Variants in DOK6 observed in about 807,000 individuals in gnomAD.
DOK6 encodes docking protein 6.
Under a neutral mutation model 44.0 loss-of-function variants are expected in DOK6, and 22 were observed. The ratio of observed to expected loss-of-function variants is 0.50; its 90% CI spans 0.36 to 0.71. The LOEUF is 0.71. Among genes scored for constraint, DOK6 ranks in the 30% least tolerant of loss-of-function variants. DOK6 has a pLI of 0.00. For synonymous variants in DOK6, 166 were observed against 145.5 expected, an observed-to-expected ratio of 1.14 and a Z score of -1.01; for missense variants, 340 against 416.4, an observed-to-expected ratio of 0.82 and a Z score of 1.60.
intron 1 of DOK6, among the ~76,000 whole-genome samples, chr18:69,413,203 A>G (rs1169535797): frequency 1.3e-5 from 2 of 152,130 alleles, no homozygotes. Flanking sequence ...ATAATTGATA[A>G]AACAGCATTA....
At chr18:69,599,347 T>C (rs764201924) in intron 2 of DOK6, 37 bp from the exon 3 acceptor site, 2 of 1,467,508 alleles carry the variant, frequency 1.4e-6, no homozygotes, top group Non-Finnish European at 1.9e-6. Flanking sequence ...ACAGCATACA[T>C]ACTGTACACT....
chr18:69,591,391 C>T (rs893874441), intron 2 of DOK6, among the ~76,000 whole-genome samples: 14 of 151,996 alleles, frequency 9.2e-5, no homozygotes, highest in African/African-American at 2.2e-4. Context: ...GACAGACAAC[C>T]GTGGTCATTC....
At chr18:69,535,237 G>T (rs993132328) in intron 1 of DOK6, among the ~76,000 whole-genome samples, 4 of 151,946 alleles carry the variant, frequency 2.6e-5, no homozygotes, top group Non-Finnish European at 4.4e-5. Flanking sequence ...CTTCATAATA[G>T]TCTTAATAGT....
intron 1 of DOK6, among the ~76,000 whole-genome samples, chr18:69,518,459 T>C (rs1329940039): frequency 1.3e-5 from 2 of 152,174 alleles, no homozygotes; most frequent in African/African-American, 2.4e-5. Flanking sequence ...TATAAGGAAA[T>C]ACCTTGGTTA....
chr18:69,413,033 A>C (rs1978312966), intron 1 of DOK6, among the ~76,000 whole-genome samples: 1 of 152,134 alleles, frequency 6.6e-6, no homozygotes, highest in Non-Finnish European at 1.5e-5. Flanking sequence ...GAATACACAC[A>C]TTAAGCCACT....
At chr18:69,469,255 G>A (rs1396004275) in intron 1 of DOK6, among the ~76,000 whole-genome samples, 10 of 152,032 alleles carry the variant, frequency 6.6e-5, no homozygotes, top group African/African-American at 2.4e-4. Context: ...ATAAAATAAG[G>A]AGATTTTACC....
chr18:69,611,487 A>G (rs960926187), intron 3 of DOK6, among the ~76,000 whole-genome samples: 1 of 140,098 alleles, frequency 7.1e-6, no homozygotes, highest in Non-Finnish European at 1.5e-5. Flanking sequence ...AAAAGAAACA[A>G]GTACACGTAC....
At chr18:69,696,307 A>G (rs1331559898) in intron 4 of DOK6, among the ~76,000 whole-genome samples, 1 of 152,176 alleles carries the variant, frequency 6.6e-6, no homozygotes, top group Admixed American at 6.5e-5. Context: ...TGTACCATCC[A>G]CTGGAAGGAC....
At chr18:69,672,764 T>TA (rs1985835699) in intron 3 of DOK6, among the ~76,000 whole-genome samples, 1 of 152,030 alleles carries the variant, frequency 6.6e-6, no homozygotes, top group South Asian at 2.1e-4. Flanking sequence ...CAAGGCCAGT[T>TA]AAGTAGAAAG....
At chr18:69,551,903 A>G (rs879893615) in intron 1 of DOK6, among the ~76,000 whole-genome samples, 46 of 152,348 alleles carry the variant, frequency 3.0e-4, no homozygotes, top group South Asian at 8.3e-4. Flanking sequence ...TCACTTCTAA[A>G]ATGTATTGAA....
At chr18:69,521,068 A>G (rs1478920825) in intron 1 of DOK6, among the ~76,000 whole-genome samples, 1 of 151,948 alleles carries the variant, frequency 6.6e-6, no homozygotes, top group Non-Finnish European at 1.5e-5. Context: ...ACAGGTGGTC[A>G]TGGTAGAATA....
chr18:69,607,631 AT>A (rs1398075487), intron 3 of DOK6, among the ~76,000 whole-genome samples: 1 of 152,166 alleles, frequency 6.6e-6, no homozygotes, highest in Non-Finnish European at 1.5e-5. Flanking sequence ...AGTAGGGAAA[AT>A]TATTTAAAAT....
chr18:69,541,023 A>T (rs965397015), intron 1 of DOK6, among the ~76,000 whole-genome samples: 4 of 152,142 alleles, frequency 2.6e-5, no homozygotes, highest in African/African-American at 9.6e-5. Context: ...AAGAGTGTGT[A>T]TGTTATCCTA....
rs141027210 is a variant in DOK6 at position 69,543,227 on chromosome 18, G to A, written c.67-21260G>A. On this transcript the variant is annotated intron_variant, in intron 1 of 7. Coordinates refer to ENST00000382713, the MANE Select transcript of DOK6 (RefSeq NM_152721.6). ...CTTTCAGACATGAAAAATTGCAACT[G>A]TGCTGAAATTTTCAGTGTGCCAGAA... 4.8e-3 allele frequency among the ~76,000 whole-genome samples: 726 copies of A among 151,554 alleles called. 6 individuals are homozygous for A. The highest frequency in any genetic ancestry group is 0.017 in the African/African-American group (694 of 41,462).
intron 2 of DOK6, among the ~76,000 whole-genome samples, chr18:69,587,970 A>G (rs1381727471): frequency 2.0e-5 from 3 of 152,158 alleles, no homozygotes; most frequent in Non-Finnish European, 4.4e-5. Context: ...CATCCCTGCA[A>G]TTTGAGTCTC....
In DOK6 at chr18:69,847,374, T is replaced by C. The variant is rs972566479; in HGVS notation, c.*5991T>C. On this transcript the variant is annotated 3_prime_UTR_variant, in exon 8 of 8. Transcript: ENST00000382713. ...GAGCAAGGTCTACACTCTCAGCCTGTAGCTGTGCTAATGTTAGGATTGAAT... is the reference window on the plus strand; with the variant it reads ...GAGCAAGGTCTACACTCTCAGCCTGCAGCTGTGCTAATGTTAGGATTGAAT... 1.1e-4 allele frequency: 16 copies of C among 152,208 alleles called. No individual in the cohort carries two copies. Among genetic ancestry groups the C allele is most frequent in the African/African-American group, 3.9e-4 (16 of 41,456 alleles). The allele number at this position is 152,208 out of a possible 1,614,324, so 9.4% of individuals were successfully genotyped here. A position where few individuals can be genotyped will look rare whatever the true frequency, so the allele number is the denominator to read the frequency against.
At position 69,846,529 on chromosome 18, in the gene DOK6, G is replaced by A. The variant is rs1982348112; in HGVS notation, c.*5146G>A. The A allele has an allele frequency of 6.6e-6, 1 of 152,082 alleles. No individual in the cohort carries two copies. The highest frequency in any genetic ancestry group is 1.5e-5 in the Non-Finnish European group (1 of 68,016). 9.4% of individuals were successfully genotyped at this position (152,082 alleles called of 1,614,324 possible). ...GCTGTATCAGTAGAGAGGTGTTATG[G>A]GGCAATTCATTAGATTTCTGGTAGG... is the stretch of plus-strand genomic sequence containing the variant. On this transcript the variant is annotated 3_prime_UTR_variant, in exon 8 of 8. Coordinates refer to ENST00000382713, the MANE Select transcript of DOK6 (RefSeq NM_152721.6).
At chr18:69,587,961 A>G (rs1447193540) in intron 2 of DOK6, among the ~76,000 whole-genome samples, 2 of 152,158 alleles carry the variant, frequency 1.3e-5, no homozygotes, top group African/African-American at 4.8e-5. Flanking sequence ...TCTTTTCATC[A>G]TCCCTGCAAT....
chr18:69,739,217 C>T, intron 6 of DOK6, 114 bp downstream of exon 6: 2 of 1,430,034 alleles, frequency 1.4e-6, no homozygotes, highest in South Asian at 1.3e-5. Flanking sequence ...CCACCCTGCC[C>T]TGATCCTGAG....
Sources: allele counts gnomAD v4.1 joint callset (sites outside exome capture counted in the v4.1 genomes callset), GRCh38; gene constraint gnomAD v4.1.1; transcripts MANE v1.5; gene names NCBI Gene and HGNC (gene_info 2026-07-23, HGNC 2026-07-21).